The following HEATR5B variants were observed in gnomAD, a reference collection of about 807,000 sequenced individuals.
HEATR5B encodes HEAT repeat-containing protein 5B.
In HEATR5B, 156 loss-of-function variants were observed where a neutral mutation model predicts 224.1. The ratio of observed to expected loss-of-function variants is 0.70; its 90% CI spans 0.61 to 0.80. The LOEUF (loss-of-function observed/expected upper bound fraction) is 0.80. Among genes scored for constraint, HEATR5B ranks in the 30% least tolerant of loss-of-function variants. HEATR5B has a pLI of 0.00. For missense variants in HEATR5B, 2,323 were observed against 2,535.5 expected (o/e 0.92, Z 1.80); for synonymous variants, 1,027 against 893.0 (o/e 1.15, Z -2.68).
At chr2:37,045,471 G>A (rs753050964) in intron 18 of HEATR5B, among the ~76,000 whole-genome samples, 17 of 152,114 alleles carry the variant, frequency 1.1e-4, no homozygotes, top group Non-Finnish European at 1.9e-4. Flanking sequence ...AAGCAATATC[G>A]TTCCGAGGGC....
chr2:37,012,835 T>A (rs1667872826), intron 27 of HEATR5B, among the ~76,000 whole-genome samples: 2 of 152,210 alleles, frequency 1.3e-5, no homozygotes, highest in African/African-American at 4.8e-5. Context: ...AATGTAAACA[T>A]CACTTTCTCC....
intron 21 of HEATR5B, among the ~76,000 whole-genome samples, chr2:37,033,323 A>C (rs1669258234): frequency 6.6e-6 from 1 of 152,170 alleles, no homozygotes. Context: ...AGCCAAAATA[A>C]TTGTCCCAAG....
At chr2:37,022,336 G>A (rs1013545496) in intron 24 of HEATR5B, among the ~76,000 whole-genome samples, 2 of 151,968 alleles carry the variant, frequency 1.3e-5, no homozygotes, top group Admixed American at 6.6e-5. Flanking sequence ...CCACCACCAC[G>A]CCCAGCTAAT....
intron 3 of HEATR5B, among the ~76,000 whole-genome samples, 169 bp from the exon 4 acceptor site, chr2:37,077,188 CTATT>C (rs1383528928): frequency 6.6e-6 from 1 of 152,160 alleles, no homozygotes; most frequent in African/African-American, 2.4e-5. Flanking sequence ...ATACTATACT[CTATT>C]TACACTGTAT....
chr2:37,047,883 A>G (rs977829717), intron 18 of HEATR5B, among the ~76,000 whole-genome samples: 1 of 152,228 alleles, frequency 6.6e-6, no homozygotes, highest in Non-Finnish European at 1.5e-5. Context: ...CTAAGACACC[A>G]TCGTTTTAAA....
At chr2:37,040,270 G>A in intron 20 of HEATR5B, 59 bp downstream of exon 20, 6 of 1,346,754 alleles carry the variant, frequency 4.5e-6, no homozygotes, top group Non-Finnish European at 6.3e-6. Context: ...GTGATATTCA[G>A]GAAATTTAAA....
At chr2:37,006,652 C>CA (rs1230402008) in intron 29 of HEATR5B, among the ~76,000 whole-genome samples, 2 of 151,804 alleles carry the variant, frequency 1.3e-5, no homozygotes, top group Non-Finnish European at 2.9e-5. Context: ...AAACAAAAAA[C>CA]AAAAAAACAA....
At chr2:37,075,916 T>C (rs2148600396) in intron 4 of HEATR5B, 1 of 195,080 alleles carries the variant, frequency 5.1e-6, no homozygotes, top group East Asian at 1.2e-4. Context: ...ATGAAGAGAT[T>C]CAAAAGCTTC....
At chr2:36,996,068 T>C (rs1666684223) in intron 33 of HEATR5B, among the ~76,000 whole-genome samples, 1 of 151,268 alleles carries the variant, frequency 6.6e-6, no homozygotes, top group African/African-American at 2.4e-5. Flanking sequence ...GCAATTCTTT[T>C]TTTTTTTTTT....
At chr2:37,079,462 G>C in intron 2 of HEATR5B, 131 bp from the exon 3 acceptor site, 1 of 518,494 alleles carries the variant, frequency 1.9e-6, no homozygotes, top group East Asian at 3.2e-5. Context: ...AACATAAACC[G>C]TGAGAATTTT....
intron 35 of HEATR5B, among the ~76,000 whole-genome samples, chr2:36,982,935 T>C (rs887721995): frequency 2.0e-5 from 3 of 148,248 alleles, no homozygotes; most frequent in Non-Finnish European, 4.5e-5. Flanking sequence ...GAAGTGTTTA[T>C]TGTCTGTGTT....
chr2:37,031,160 C>A (rs965944173), intron 22 of HEATR5B, among the ~76,000 whole-genome samples: 2 of 152,168 alleles, frequency 1.3e-5, no homozygotes, highest in Non-Finnish European at 2.9e-5. Flanking sequence ...CTCTGGGGAG[C>A]TTGTGCCTGG....
At position 36,993,899 on chromosome 2, in the gene HEATR5B, CATT is replaced by C. The variant is rs1666509316; in HGVS notation, c.5546-3103_5546-3101del. On this transcript the variant is annotated intron_variant, in intron 33 of 35. Coordinates refer to ENST00000233099, the MANE Select transcript of HEATR5B (RefSeq NM_019024.3). ...ATAGATGGCTGGTATTCTTCAACAA[CATT>C]AATGTTATGAAAGACAAAGGCTGAG... 2.6e-5 allele frequency among the ~76,000 whole-genome samples: 4 copies of C among 151,676 alleles called. No individual in the cohort carries two copies. The South Asian group carries it at 8.3e-4, about 31-fold the overall frequency.
At chr2:37,076,556 G>GT (rs1247350208) in intron 4 of HEATR5B, among the ~76,000 whole-genome samples, 1 of 150,806 alleles carries the variant, frequency 6.6e-6, no homozygotes, top group Non-Finnish European at 1.5e-5. Flanking sequence ...TTCCAGAACT[G>GT]TGAGACAATA....
intron 18 of HEATR5B, among the ~76,000 whole-genome samples, chr2:37,046,470 C>G (rs1670199420): frequency 6.6e-6 from 1 of 151,816 alleles, no homozygotes; most frequent in Non-Finnish European, 1.5e-5. Flanking sequence ...GAAACTCCAT[C>G]TCTACTAAAA....
Position 37,003,608 on chromosome 2 carries a change from T to C in HEATR5B, c.4984A>G (p.Thr1662Ala). Residue 1662 changes from threonine to alanine, a missense_variant, in exon 31 of 36, where the codon ACT becomes GCT. Coordinates refer to ENST00000233099, the MANE Select transcript of HEATR5B (RefSeq NM_019024.3). ...CTTACTATCTGTTGTACAACTCCAG[T>C]AACCAACAGCTGGACAGATGATGGA... ...WNPSSVQLLV[T>A]GVVQQIVRAA... 1 of 1,612,142 alleles carries C rather than the reference T, an allele frequency of 6.2e-7. No homozygotes were observed. The highest frequency in any genetic ancestry group is 1.7e-4 in the Middle Eastern group (1 of 6,052).
intron 24 of HEATR5B, among the ~76,000 whole-genome samples, chr2:37,027,588 C>T (rs185686885): frequency 6.6e-6 from 1 of 152,096 alleles, no homozygotes; most frequent in Non-Finnish European, 1.5e-5. Context: ...TAAAATTTTA[C>T]CATTTCCTTT....
At chr2:37,081,568 T>G (rs1304787954) in intron 2 of HEATR5B, among the ~76,000 whole-genome samples, 1 of 152,016 alleles carries the variant, frequency 6.6e-6, no homozygotes, top group East Asian at 1.9e-4. Context: ...AAGCCCTAGG[T>G]GCTTTTGGAG....
At position 36,988,650 on chromosome 2, in the gene HEATR5B, T is replaced by C. The variant is rs772249009; in HGVS notation, c.5907A>G (p.Gln1969=). 3 of 1,610,218 alleles carry C rather than the reference T, an allele frequency of 1.9e-6. No individual in the cohort carries two copies. In the South Asian group the frequency reaches 3.3e-5, roughly 18 times the overall value. The change falls in exon 35 of 36, where the codon CAA becomes CAG. Residue 1969 remains glutamine, a synonymous_variant. Coordinates refer to ENST00000233099, the MANE Select transcript of HEATR5B (RefSeq NM_019024.3). ...LETLVALGEE[Q]NRVQLLALLV... ...TTTTTATAAGAATATACTTACTGTT[T>C]TGTTCTTCACCAAGAGCAACCAGTG...
Sources: allele counts gnomAD v4.1 joint callset (sites outside exome capture counted in the v4.1 genomes callset), GRCh38; gene constraint gnomAD v4.1.1; transcripts MANE v1.5; gene names NCBI Gene and HGNC (gene_info 2026-07-23, HGNC 2026-07-21).